The following LRP1B variants were observed in gnomAD, a reference collection of about 807,000 sequenced individuals.
The protein encoded by LRP1B is LDL receptor related protein 1B.
LRP1B carries 217 observed loss-of-function variants against 556.6 expected under a neutral mutation model. The observed-to-expected ratio is 0.39, with a 90% CI of 0.35 to 0.44. LRP1B has a LOEUF of 0.44. LRP1B is among the 20% of genes least tolerant of loss of function. LRP1B has a pLI of 1.00. For synonymous variants in LRP1B, 2,047 were observed against 1,865.8 expected, an observed-to-expected ratio of 1.10 and a Z score of -2.50; for missense variants, 5,053 against 5,620.8, an observed-to-expected ratio of 0.90 and a Z score of 3.23.
rs1197594926 is a variant in LRP1B at position 141,445,446 on chromosome 2, A to G, written c.343+34950T>C. ...CTTCAGTTCTGCTCTGATCTTAGTT[A>G]TTTCTTGTCTTCTGATAACTTTTGA... On this transcript the variant is annotated intron_variant, in intron 3 of 90. Coordinates refer to ENST00000389484, the MANE Select transcript of LRP1B (RefSeq NM_018557.3). 2.0e-5 allele frequency among the ~76,000 whole-genome samples: 3 copies of G among 151,878 alleles called. No homozygotes were observed. In the South Asian group the frequency reaches 6.2e-4, roughly 32 times the overall value.
chr2:141,633,671 AT>A, intron 2 of LRP1B, among the ~76,000 whole-genome samples: 1 of 152,176 alleles, frequency 6.6e-6, no homozygotes, highest in Non-Finnish European at 1.5e-5. Context: ...CATTAAGTAC[AT>A]TCGCAGTGTT....
intron 41 of LRP1B, among the ~76,000 whole-genome samples, chr2:140,648,526 T>G (rs1372611063): frequency 6.6e-6 from 1 of 150,754 alleles, no homozygotes; most frequent in Admixed American, 6.6e-5. Context: ...TGAGGAGGGG[T>G]GGGGTGATCA....
intron 1 of LRP1B, among the ~76,000 whole-genome samples, chr2:142,076,301 A>T (rs1056438887): frequency 1.3e-5 from 2 of 152,100 alleles, no homozygotes; most frequent in Non-Finnish European, 2.9e-5. Flanking sequence ...AATAGATCAT[A>T]CTTTCTGGAG....
chr2:141,803,588 C>T (rs1015510545), intron 2 of LRP1B, among the ~76,000 whole-genome samples: 6 of 152,090 alleles, frequency 3.9e-5, no homozygotes, highest in Non-Finnish European at 5.9e-5. Flanking sequence ...TTCTACCTAA[C>T]GAAAAGCTTA....
chr2:142,076,019 T>A (rs895701700), intron 1 of LRP1B, among the ~76,000 whole-genome samples: 4 of 152,112 alleles, frequency 2.6e-5, no homozygotes, highest in African/African-American at 9.7e-5. Flanking sequence ...AAAGCATTCT[T>A]AACCACAGCC....
intron 2 of LRP1B, among the ~76,000 whole-genome samples, chr2:141,616,186 G>A (rs1200366361): frequency 6.6e-6 from 1 of 151,894 alleles, no homozygotes; most frequent in Non-Finnish European, 1.5e-5. Context: ...GGAGGCTGAG[G>A]CAGGAGAATC....
intron 72 of LRP1B, among the ~76,000 whole-genome samples, chr2:140,362,486 A>G (rs1203324474): frequency 1.3e-5 from 2 of 151,624 alleles, no homozygotes; most frequent in African/African-American, 4.8e-5. Flanking sequence ...CACACTGTCA[A>G]TTTACATTAT....
Position 140,951,464 on chromosome 2 carries a change from A to G in LRP1B, c.2968+396T>C, listed in dbSNP as rs140042825. ...TGAGAATAAAATACCATTTGAACAT[A>G]AGAGGAAACTGACAGAGTTGAGACT... On this transcript the variant is annotated intron_variant, in intron 19 of 90. Coordinates refer to ENST00000389484, the MANE Select transcript of LRP1B (RefSeq NM_018557.3). Among the ~76,000 whole-genome samples the G allele has an allele frequency of 1.1e-4, 16 of 152,312 alleles. No individual in the cohort carries two copies. The East Asian group carries it at 3.1e-3, about 29-fold the overall frequency.
At chr2:141,137,963 C>CA (rs1412016577) in intron 7 of LRP1B, among the ~76,000 whole-genome samples, 11 of 151,532 alleles carry the variant, frequency 7.3e-5, no homozygotes. Context: ...ACCACGACTC[C>CA]AAAATCAGAC....
intron 1 of LRP1B, among the ~76,000 whole-genome samples, chr2:142,039,914 A>G (rs573541403): frequency 4.0e-5 from 6 of 150,880 alleles, no homozygotes; most frequent in Admixed American, 2.0e-4. Flanking sequence ...TCATCAATCA[A>G]TTAAGCAGCA....
At position 141,765,197 on chromosome 2, in the gene LRP1B, A is replaced by G. The variant is rs1318760371; in HGVS notation, c.205+45082T>C. The stretch of plus-strand genomic sequence containing the variant: ...ACCTGAGAGAAGCAGAGATCCGTAA[A>G]CAGTGTAAATGGTTAATAATCAGCC... On this transcript the variant is annotated intron_variant, in intron 2 of 90. Transcript: ENST00000389484. Among the ~76,000 whole-genome samples, 6 of 152,272 alleles carry G rather than the reference A, an allele frequency of 3.9e-5. No individual in the cohort carries two copies. In the South Asian group the frequency reaches 1.2e-3, roughly 31 times the overall value.
chr2:141,966,172 C>G (rs1701561186), intron 1 of LRP1B, among the ~76,000 whole-genome samples: 1 of 151,770 alleles, frequency 6.6e-6, no homozygotes. Flanking sequence ...ATTTGAGCAC[C>G]TATGGCATAC....
chr2:140,963,991 C>G (rs1038990518), intron 18 of LRP1B, among the ~76,000 whole-genome samples: 1 of 152,048 alleles, frequency 6.6e-6, no homozygotes, highest in Non-Finnish European at 1.5e-5. Flanking sequence ...GCGCGGAGAC[C>G]GGTAGTGGCC....
chr2:140,264,738 GTGTA>G (rs770857906), intron 86 of LRP1B, among the ~76,000 whole-genome samples: 1,572 of 102,944 alleles, frequency 0.015, 31 homozygotes, highest in African/African-American at 0.062. Context: ...GTGTGTGTGT[GTGTA>G]TATAATTTTC....
intron 2 of LRP1B, among the ~76,000 whole-genome samples, chr2:141,611,042 T>C (rs1222479861): frequency 6.6e-6 from 1 of 152,200 alleles, no homozygotes; most frequent in African/African-American, 2.4e-5. Flanking sequence ...TGCCTAATTA[T>C]ACAAGTGAGC....
chr2:141,894,711 C>T (rs1010296237), intron 1 of LRP1B, among the ~76,000 whole-genome samples: 6 of 150,904 alleles, frequency 4.0e-5, no homozygotes, highest in East Asian at 2.0e-4. Context: ...GTCAAGGATG[C>T]TAACAATCAT....
chr2:140,542,778 C>A (rs761154807), intron 43 of LRP1B, among the ~76,000 whole-genome samples: 5 of 152,028 alleles, frequency 3.3e-5, no homozygotes, highest in Non-Finnish European at 4.4e-5. Context: ...GGCAGAGGGT[C>A]AAGAGTTGAC....
intron 3 of LRP1B, among the ~76,000 whole-genome samples, chr2:141,390,970 C>T (rs2104905249): frequency 6.6e-6 from 1 of 152,128 alleles, no homozygotes; most frequent in Middle Eastern, 3.4e-3. Flanking sequence ...TAGAGCAAAT[C>T]ATATCCTTCA....
chr2:140,660,524 A>G (rs182880812), intron 41 of LRP1B, among the ~76,000 whole-genome samples: 1 of 152,180 alleles, frequency 6.6e-6, no homozygotes, highest in East Asian at 1.9e-4. Flanking sequence ...TATCAAAGCC[A>G]TTTTTCTTCC....
Sources: gnomAD v4.1 joint callset for allele counts (sites outside exome capture counted in the v4.1 genomes callset) on GRCh38, gnomAD v4.1.1 for gene constraint, MANE v1.5 for transcripts, NCBI Gene and HGNC (gene_info 2026-07-23, HGNC 2026-07-21) for gene names.